Variants in IBTK observed in about 807,000 individuals in gnomAD.
IBTK encodes BTK-binding protein.
In IBTK, 83 loss-of-function variants were observed where a neutral mutation model predicts 154.9. The ratio of observed to expected loss-of-function variants is 0.54; its 90% CI spans 0.45 to 0.64. The LOEUF is 0.64. IBTK is among the 30% of genes least tolerant of loss of function. The pLI, the probability that IBTK is intolerant of heterozygous loss-of-function variation, is 0.00. For missense variants in IBTK, 1,332 were observed against 1,584.6 expected, an observed-to-expected ratio of 0.84 and a Z score of 2.71; for synonymous variants, 515 against 536.1, an observed-to-expected ratio of 0.96 and a Z score of 0.54.
rs1267782928 is a variant in IBTK at position 82,224,271 on chromosome 6, A to G, written c.826-86T>C. 23 of 923,060 alleles carry G rather than the reference A, an allele frequency of 2.5e-5. No individual in the cohort carries two copies. In the Middle Eastern group the frequency reaches 8.7e-4, roughly 35 times the overall value. 57.2% of individuals were successfully genotyped at this position (923,060 alleles called of 1,614,324 possible). A position where few individuals can be genotyped will look rare whatever the true frequency, so the allele number is the denominator to read the frequency against. ...AAAGATCCAGCAGACCAGCAAATAT[A>G]TGGTATACTTGCTGTTAGTGGTCCA... On this transcript the variant is annotated intron_variant, in intron 6 of 28. Coordinates refer to ENST00000306270, the MANE Select transcript of IBTK (RefSeq NM_015525.4).
intron 20 of IBTK, among the ~76,000 whole-genome samples, 164 bp from the exon 21 acceptor site, chr6:82,200,417 C>G (rs111296818): frequency 6.6e-6 from 1 of 151,908 alleles, no homozygotes; most frequent in Non-Finnish European, 1.5e-5. Context: ...TTGTATTATA[C>G]CAAGGTTAAG....
Position 82,247,744 on chromosome 6 carries a change from T to C in IBTK, c.-540A>G, listed in dbSNP as rs953730062. 3.3e-5 allele frequency: 13 copies of C among 397,310 alleles called. 1 individual carries two copies. Among genetic ancestry groups the C allele is most frequent in the Non-Finnish European group, 8.9e-6 (2 of 225,688 alleles). The allele number at this position is 397,310 out of a possible 1,614,324, so 24.6% of individuals were successfully genotyped here. On this transcript the variant is annotated 5_prime_UTR_variant, in exon 1 of 29. Coordinates refer to ENST00000306270, the MANE Select transcript of IBTK (RefSeq NM_015525.4). ...CTACTACAGGAATCGGGAACGGGGA[T>C]GTAGAGGAAGGGCCCGAGCGGGCGG...
chr6:82,224,226 A>G (rs1294409230), intron 6 of IBTK, 41 bp from the exon 7 acceptor site: 1 of 1,348,118 alleles, frequency 7.4e-7, no homozygotes, highest in Non-Finnish European at 1.1e-6. Flanking sequence ...CTATATATTT[A>G]TGACCTAGTA....
rs1356901409 is a variant in IBTK at position 82,218,091 on chromosome 6, C to G, written c.1295G>C (p.Trp432Ser). 1 of 1,599,792 alleles carries G rather than the reference C, an allele frequency of 6.3e-7. No individual in the cohort carries two copies. Among genetic ancestry groups the G allele is most frequent in the South Asian group, 1.1e-5 (1 of 88,202 alleles). The change falls in exon 10 of 29, where the codon TGG becomes TCG. Residue 432 changes from tryptophan to serine, a missense_variant. Trp to Ser is a radical substitution (Grantham distance 177). This residue lies in a region of IBTK where 1,134 missense variants were observed against 1,274.7 expected (regional missense o/e 0.89). Transcript: ENST00000306270. ...AATGAAGACCTGACGTGGATAGGCC[C>G]ATCGACACTGCTTCAGAGAACTGTT... The part of the protein sequence containing the change: ...SVNSSLKQCR[W>S]AYPRQVFISD...
chr6:82,215,376 C>A (rs1297144465), intron 11 of IBTK, among the ~76,000 whole-genome samples: 1 of 152,200 alleles, frequency 6.6e-6, no homozygotes, highest in East Asian at 1.9e-4. Flanking sequence ...GGCGCCACAA[C>A]ACTTATTTTG....
chr6:82,188,199 C>A (rs1768625758), intron 25 of IBTK, among the ~76,000 whole-genome samples: 1 of 152,010 alleles, frequency 6.6e-6, no homozygotes, highest in African/African-American at 2.4e-5. Flanking sequence ...CCAGTCAGAA[C>A]TTAAGAGAAA....
chr6:82,232,825 G>A (rs1055652991), intron 3 of IBTK, among the ~76,000 whole-genome samples: 2 of 152,028 alleles, frequency 1.3e-5, no homozygotes, highest in Admixed American at 1.3e-4. Flanking sequence ...AGATTACCCT[G>A]GTCAACGTGG....
intron 11 of IBTK, among the ~76,000 whole-genome samples, chr6:82,215,354 C>T (rs9449448): frequency 2.0e-5 from 3 of 151,956 alleles, no homozygotes; most frequent in Non-Finnish European, 4.4e-5. Context: ...ATTTGCATTG[C>T]GATTTACAGA....
chr6:82,226,604 G>GTTTT (rs201331625), intron 5 of IBTK, among the ~76,000 whole-genome samples: 2 of 144,964 alleles, frequency 1.4e-5, no homozygotes, highest in Non-Finnish European at 3.0e-5. Context: ...CTTCTTTTTT[G>GTTTT]TTTTTTTTTT....
At chr6:82,219,316 T>C (rs933792049) in intron 9 of IBTK, among the ~76,000 whole-genome samples, 1 of 152,178 alleles carries the variant, frequency 6.6e-6, no homozygotes, top group Non-Finnish European at 1.5e-5. Context: ...ATCATCTTCA[T>C]TCTCCATCCC....
intron 3 of IBTK, among the ~76,000 whole-genome samples, chr6:82,232,832 G>A (rs915692470): frequency 6.6e-5 from 10 of 151,972 alleles, no homozygotes; most frequent in African/African-American, 2.2e-4. Context: ...CCTGGTCAAC[G>A]TGGCAAAACC....
Position 82,180,813 on chromosome 6 carries a change from T to A in IBTK, c.3725+1066A>T, listed in dbSNP as rs955725731. Among the ~76,000 whole-genome samples the A allele has an allele frequency of 2.0e-5, 3 of 152,182 alleles. No individual in the cohort carries two copies. In the South Asian group the frequency reaches 6.2e-4, roughly 31 times the overall value. On this transcript the variant is annotated intron_variant, in intron 26 of 28. Coordinates refer to ENST00000306270, the MANE Select transcript of IBTK (RefSeq NM_015525.4). ...TGATAGTTCCTCAGGACAGGTAAAG[T>A]GACATTAAACTAGTATAGCTCCCAG...
At chr6:82,222,698 A>G (rs1770141561) in intron 8 of IBTK, among the ~76,000 whole-genome samples, 1 of 152,184 alleles carries the variant, frequency 6.6e-6, no homozygotes, top group South Asian at 2.1e-4. Flanking sequence ...AAATGAAATG[A>G]CAGGTGACAC....
chr6:82,208,583 A>C (rs1024178478), intron 16 of IBTK, among the ~76,000 whole-genome samples: 1 of 151,948 alleles, frequency 6.6e-6, no homozygotes, highest in Non-Finnish European at 1.5e-5. Flanking sequence ...CTCTAAAAAA[A>C]TTTTTACAAA....
In IBTK at chr6:82,211,418, A is replaced by G. The variant is rs774237856; in HGVS notation, c.2375-14T>C. 56 of 1,608,140 alleles carry G rather than the reference A, an allele frequency of 3.5e-5. No individual in the cohort carries two copies. Among genetic ancestry groups the G allele is most frequent in the Non-Finnish European group, 4.3e-5 (51 of 1,176,622 alleles). ...TATGAAAATATTCTAAAAGAAAAAA[A>G]AGTTCAATGCAATAAGAATAGTGAA... is the stretch of plus-strand genomic sequence containing the variant. On this transcript the variant is annotated splice_polypyrimidine_tract_variant and intron_variant, in intron 14 of 28. Transcript: ENST00000306270.
chr6:82,229,723 C>T (rs1403196907), intron 4 of IBTK, among the ~76,000 whole-genome samples: 1 of 152,168 alleles, frequency 6.6e-6, no homozygotes, highest in African/African-American at 2.4e-5. Flanking sequence ...GGACACCAAG[C>T]TTGATTCTCG....
rs1300430156 is a variant in IBTK, at chr6:82,223,543, C to T, written c.1021G>A (p.Ala341Thr). 1 of 1,613,950 alleles carries T rather than the reference C, an allele frequency of 6.2e-7. No individual in the cohort carries two copies. Among genetic ancestry groups the T allele is most frequent in the African/African-American group, 1.3e-5 (1 of 74,936 alleles). Residue 341 changes from alanine to threonine, a missense_variant, in exon 8 of 29, where the codon GCT becomes ACT. Around this residue, in one of 3 missense-constraint regions of IBTK, gnomAD observed 1,134 missense variants for 1,274.7 expected, o/e 0.89. Transcript: ENST00000306270. ...QVSALHHKDIALSLVAASDGA... is the reference protein window; with the variant it reads ...QVSALHHKDITLSLVAASDGA... ...TCACTTGCAGCAACCAAAGACAGAG[C>T]AATGTCTTTATGGTGAAGGGCAGAG...
chr6:82,228,512 T>C (rs1238717817), intron 4 of IBTK, among the ~76,000 whole-genome samples: 1 of 152,236 alleles, frequency 6.6e-6, no homozygotes, highest in East Asian at 1.9e-4. Context: ...ATACATTTCA[T>C]TCAATTTTAT....
rs551645178 is a variant in IBTK at position 82,238,712 on chromosome 6, A to T, written c.321+1454T>A. ...TGCCTTTGCCTCCAAGAGTGCTGAG[A>T]TTACAGGCGTGAGCCACCGCGCCTG... On this transcript the variant is annotated intron_variant, in intron 2 of 28. Coordinates refer to ENST00000306270, the MANE Select transcript of IBTK (RefSeq NM_015525.4). Among the ~76,000 whole-genome samples, 19 of 152,046 alleles carry T rather than the reference A, an allele frequency of 1.2e-4. No homozygotes were observed. In the South Asian group the frequency reaches 3.9e-3, roughly 32 times the overall value.
Sources: allele counts gnomAD v4.1 joint callset (sites outside exome capture counted in the v4.1 genomes callset), GRCh38; gene constraint gnomAD v4.1.1; regional missense constraint gnomAD v4.1.1; transcripts MANE v1.5; gene names NCBI Gene and HGNC (gene_info 2026-07-23, HGNC 2026-07-21).